APBB2: variants seen among roughly 807,000 people sequenced by gnomAD.
APBB2 encodes amyloid beta precursor protein binding family B member 2, also known as Fe65-like 1.
A neutral mutation model predicts 82.5 loss-of-function variants in APBB2; 38 were observed. That is an observed-to-expected ratio of 0.46 (90% CI 0.36 to 0.60). The LOEUF (loss-of-function observed/expected upper bound fraction) is 0.60. APBB2 is among the 20% of genes least tolerant of loss of function. The probability of loss-of-function intolerance (pLI) is 0.00; values close to 1 mark genes in which losing one functional copy is unlikely to be tolerated. For missense variants in APBB2, 772 were observed against 972.3 expected (o/e 0.79, Z 2.74); for synonymous variants, 341 against 368.2 (o/e 0.93, Z 0.85).
At chr4:40,905,914 C>T (rs1007778411) in intron 10 of APBB2, among the ~76,000 whole-genome samples, 4 of 152,118 alleles carry the variant, frequency 2.6e-5, no homozygotes, top group East Asian at 3.9e-4. Context: ...TTGTGTGGCT[C>T]GAGTGGGGAA....
intron 12 of APBB2, among the ~76,000 whole-genome samples, chr4:40,868,807 A>G (rs962929727): frequency 2.6e-5 from 4 of 152,188 alleles, no homozygotes; most frequent in Admixed American, 1.3e-4. Flanking sequence ...TTTAACCACC[A>G]AAGAGCCATT....
chr4:41,045,134 G>C (rs1317115673), intron 4 of APBB2, among the ~76,000 whole-genome samples: 2 of 151,776 alleles, frequency 1.3e-5, no homozygotes, highest in African/African-American at 4.8e-5. Context: ...TTATTTCTAA[G>C]ATGATTTTTT....
intron 6 of APBB2, among the ~76,000 whole-genome samples, chr4:41,000,007 C>T (rs1031335998): frequency 2.8e-5 from 4 of 144,162 alleles, no homozygotes; most frequent in East Asian, 4.0e-4. Flanking sequence ...GGTAAAACCC[C>T]GTATTTACAA....
intron 12 of APBB2, among the ~76,000 whole-genome samples, chr4:40,847,443 C>T (rs1028360263): frequency 6.6e-6 from 1 of 152,186 alleles, no homozygotes; most frequent in African/African-American, 2.4e-5. Context: ...GCCTGGGTGA[C>T]AGAGCAAGAC....
At chr4:40,922,674 A>G (rs1296776857) in intron 10 of APBB2, among the ~76,000 whole-genome samples, 1 of 152,132 alleles carries the variant, frequency 6.6e-6, no homozygotes, top group African/African-American at 2.4e-5. Context: ...GCAGTGGCGC[A>G]ATCTCGGCTC....
chr4:40,833,550 G>A (rs573701587), intron 12 of APBB2, among the ~76,000 whole-genome samples: 1 of 121,490 alleles, frequency 8.2e-6, no homozygotes, highest in African/African-American at 3.3e-5. Context: ...ACAAAGAAGA[G>A]GTCGTTATAT....
intron 3 of APBB2, among the ~76,000 whole-genome samples, chr4:41,097,755 A>C (rs1296438971): frequency 6.6e-6 from 1 of 152,160 alleles, no homozygotes; most frequent in Admixed American, 6.5e-5. Flanking sequence ...TCAAACAATC[A>C]ATTTTCTGAA....
intron 4 of APBB2, among the ~76,000 whole-genome samples, chr4:41,047,593 CAGA>C (rs550688512): frequency 2.5e-4 from 38 of 152,348 alleles, no homozygotes; most frequent in African/African-American, 8.7e-4. Context: ...TTGTTTCACA[CAGA>C]AGGACACCAA....
chr4:40,942,262 A>G (rs1437218962), intron 7 of APBB2, among the ~76,000 whole-genome samples: 1 of 152,214 alleles, frequency 6.6e-6, no homozygotes, highest in Non-Finnish European at 1.5e-5. Context: ...AGTGCTGGAT[A>G]TGAGTCCCTG....
intron 17 of APBB2, among the ~76,000 whole-genome samples, chr4:40,818,861 A>G (rs778454676): frequency 2.0e-5 from 3 of 152,128 alleles, no homozygotes; most frequent in Non-Finnish European, 4.4e-5. Flanking sequence ...CACCTTTGCA[A>G]TCTGCTCTCC....
rs1297169974 is a variant in APBB2 at position 40,954,610 on chromosome 4, T to C, written c.836-9537A>G. 3.3e-5 allele frequency among the ~76,000 whole-genome samples: 5 copies of C among 152,256 alleles called. No homozygotes were observed. The East Asian group carries it at 7.7e-4, about 24-fold the overall frequency. ...CTGGAGTGGGGCCCAGGAATCTGTATTTCTAACAGTCCCCACTTTTGAGAA... is the reference window on the plus strand; with the variant it reads ...CTGGAGTGGGGCCCAGGAATCTGTACTTCTAACAGTCCCCACTTTTGAGAA... On this transcript the variant is annotated intron_variant, in intron 6 of 17. Coordinates refer to ENST00000508593, the MANE Select transcript of APBB2 (RefSeq NM_004307.2).
chr4:41,135,741 T>C lies in APBB2; in HGVS notation c.-261+7246A>G, dbSNP rs909342673. On this transcript the variant is annotated intron_variant, in intron 2 of 17. Transcript: ENST00000508593. Reference sequence around the variant, plus strand: ...AAGACAAGAAAAATATCAAAAGATATATTATTCCAAACTCTGTTAATGTAT... The same window carrying C: ...AAGACAAGAAAAATATCAAAAGATACATTATTCCAAACTCTGTTAATGTAT... 3.3e-5 allele frequency among the ~76,000 whole-genome samples: 5 copies of C among 152,242 alleles called. No homozygotes were observed. In the East Asian group the frequency reaches 5.8e-4, roughly 18 times the overall value.
chr4:40,930,599 C>A (rs553156635), intron 10 of APBB2, among the ~76,000 whole-genome samples: 1 of 152,224 alleles, frequency 6.6e-6, no homozygotes, highest in East Asian at 1.9e-4. Flanking sequence ...GAAGTGTCCC[C>A]ATCCTGACAG....
At chr4:40,958,560 G>A (rs1054893184) in intron 6 of APBB2, among the ~76,000 whole-genome samples, 1 of 152,096 alleles carries the variant, frequency 6.6e-6, no homozygotes, top group Non-Finnish European at 1.5e-5. Context: ...GGGTGTAGGT[G>A]AGAATGGTCT....
At chr4:40,863,101 C>G (rs575774202) in intron 12 of APBB2, among the ~76,000 whole-genome samples, 1 of 152,194 alleles carries the variant, frequency 6.6e-6, no homozygotes, top group Non-Finnish European at 1.5e-5. Context: ...GCAGCTCTTT[C>G]TGTGTCCCGC....
intron 1 of APBB2, among the ~76,000 whole-genome samples, chr4:41,209,462 C>T (rs17589360): frequency 0.036 from 5,531 of 152,292 alleles, 162 homozygotes; most frequent in Non-Finnish European, 0.046. Flanking sequence ...ACAGGGCTAA[C>T]GTCAAATGAG....
intron 6 of APBB2, among the ~76,000 whole-genome samples, chr4:40,970,345 G>T (rs1050116501): frequency 6.6e-6 from 1 of 152,172 alleles, no homozygotes; most frequent in African/African-American, 2.4e-5. Context: ...GCATGGCACT[G>T]CACTCGATGC....
chr4:41,049,421 G>C (rs1376511766), intron 4 of APBB2, among the ~76,000 whole-genome samples: 1 of 150,058 alleles, frequency 6.7e-6, no homozygotes, highest in African/African-American at 2.4e-5. Context: ...AGGAGATGGG[G>C]GACAGCCCCG....
chr4:40,891,952 T>C (rs897999094), intron 11 of APBB2, among the ~76,000 whole-genome samples: 3 of 127,976 alleles, frequency 2.3e-5, no homozygotes, highest in African/African-American at 1.0e-4. Context: ...GGTTTTGTTC[T>C]TTTTTTTTTT....
Sources: allele counts gnomAD v4.1 joint callset (sites outside exome capture counted in the v4.1 genomes callset), GRCh38; gene constraint gnomAD v4.1.1; transcripts MANE v1.5; gene names NCBI Gene and HGNC (gene_info 2026-07-23, HGNC 2026-07-21).